Variants in MKLN1 observed in about 807,000 individuals in gnomAD.
The protein encoded by MKLN1 is muskelin.
A neutral mutation model predicts 99.0 loss-of-function variants in MKLN1; 18 were observed. The ratio of observed to expected loss-of-function variants is 0.18; its 90% CI spans 0.13 to 0.27. The LOEUF (loss-of-function observed/expected upper bound fraction) is 0.27. Among genes scored for constraint, MKLN1 ranks in the 10% least tolerant of loss-of-function variants. The pLI, the probability that MKLN1 is intolerant of heterozygous loss-of-function variation, is 1.00. For synonymous variants in MKLN1, 288 were observed against 293.2 expected (o/e 0.98, Z 0.18); for missense variants, 621 against 875.9 (o/e 0.71, Z 3.67).
At chr7:131,363,987 G>A (rs1800103742) in intron 1 of MKLN1, among the ~76,000 whole-genome samples, 1 of 152,044 alleles carries the variant, frequency 6.6e-6, no homozygotes, top group Admixed American at 6.6e-5. Flanking sequence ...TGTTTGATAA[G>A]TAACTCCAAC....
intron 14 of MKLN1, 103 bp downstream of exon 14, chr7:131,464,511 A>G (rs1796605354): frequency 3.2e-6 from 2 of 626,834 alleles, no homozygotes; most frequent in Admixed American, 2.4e-5. Context: ...GTAAAAAGTT[A>G]AAATACATAG....
chr7:131,291,191 C>T lies in MKLN1; in HGVS notation c.-178-84233C>T, dbSNP rs982488599. ...TGTCACCCAGGCTGGAGTTCAGTGG[C>T]GTGATCTTGGCTCACTGCAACCTCC... On this transcript the variant is annotated intron_variant, in intron 3 of 7. Coordinates refer to the MKLN1 transcript ENST00000416992. 2.0e-5 allele frequency among the ~76,000 whole-genome samples: 3 copies of T among 150,894 alleles called. No homozygotes were observed. In the South Asian group the frequency reaches 6.2e-4, roughly 31 times the overall value.
chr7:131,455,089 T>C (rs1796294273), intron 12 of MKLN1, among the ~76,000 whole-genome samples: 1 of 152,256 alleles, frequency 6.6e-6, no homozygotes, highest in Non-Finnish European at 1.5e-5. Flanking sequence ...TCTGTATTTC[T>C]GTGACAGCTC....
In MKLN1 at chr7:131,318,903, C is replaced by T. The variant is rs534569427; in HGVS notation, c.-178-56521C>T. 3.9e-5 allele frequency among the ~76,000 whole-genome samples: 6 copies of T among 152,142 alleles called. No homozygotes were observed. In the East Asian group the frequency reaches 5.8e-4, roughly 15 times the overall value. ...TCCCAAGACTAAACCAGGAAGAAGT[C>T]GAATCCCTGAATAGACCAATAACAG... On this transcript the variant is annotated intron_variant, in intron 3 of 7. Coordinates refer to the MKLN1 transcript ENST00000416992.
At chr7:131,462,277 A>C (rs1384949527) in intron 12 of MKLN1, among the ~76,000 whole-genome samples, 1 of 152,046 alleles carries the variant, frequency 6.6e-6, no homozygotes, top group Non-Finnish European at 1.5e-5. Flanking sequence ...TGATCCTCCC[A>C]CCTTGACCTC....
intron 1 of MKLN1, among the ~76,000 whole-genome samples, chr7:131,373,471 A>G (rs1040867798): frequency 3.9e-5 from 6 of 152,092 alleles, no homozygotes; most frequent in Non-Finnish European, 8.8e-5. Context: ...CCTTTGTGGA[A>G]CATGTGTGTA....
intron 2 of MKLN1, among the ~76,000 whole-genome samples, chr7:131,192,262 ATATAT>A (rs1443721008): frequency 0.02 from 1,829 of 91,548 alleles, 8 homozygotes; most frequent in Admixed American, 0.027. Context: ...AATATATACA[ATATAT>A]AAATATATAA....
chr7:131,387,400 G>A (rs1351331306), intron 3 of MKLN1, 138 bp downstream of exon 3: 15 of 581,464 alleles, frequency 2.6e-5, no homozygotes, highest in Non-Finnish European at 4.0e-5. Context: ...TAATGCCTTA[G>A]TTTAATACTG....
At chr7:131,420,730 G>C (rs1795167549) in intron 8 of MKLN1, among the ~76,000 whole-genome samples, 1 of 152,146 alleles carries the variant, frequency 6.6e-6, no homozygotes, top group Non-Finnish European at 1.5e-5. Context: ...TACCATTGCT[G>C]TCTCTCCAGC....
At chr7:131,233,110 A>G (rs913023803) in intron 3 of MKLN1, among the ~76,000 whole-genome samples, 8 of 152,076 alleles carry the variant, frequency 5.3e-5, no homozygotes, top group African/African-American at 1.9e-4. Context: ...GAGGCCGAGG[A>G]GGAAGGATTG....
chr7:131,471,082 CAG>C, intron 16 of MKLN1, 138 bp downstream of exon 16: 1 of 596,496 alleles, frequency 1.7e-6, no homozygotes, highest in Non-Finnish European at 2.9e-6. Flanking sequence ...TAAAATGTCA[CAG>C]AGCAGGTGAA....
intron 17 of MKLN1, among the ~76,000 whole-genome samples, chr7:131,481,429 C>T (rs1246000428): frequency 1.3e-5 from 2 of 152,052 alleles, no homozygotes; most frequent in African/African-American, 4.8e-5. Flanking sequence ...TAGCCAGGTG[C>T]GATAACTCAT....
chr7:131,202,513 G>A (rs972737488), intron 2 of MKLN1, among the ~76,000 whole-genome samples: 2 of 152,064 alleles, frequency 1.3e-5, no homozygotes, highest in Non-Finnish European at 1.5e-5. Flanking sequence ...TATGCGCCAG[G>A]ACAACAGGCC....
intron 2 of MKLN1, among the ~76,000 whole-genome samples, chr7:131,171,624 CT>C (rs1757943773): frequency 6.6e-6 from 1 of 151,772 alleles, no homozygotes; most frequent in Admixed American, 6.6e-5. Context: ...GGCCAGCTAA[CT>C]TTTTGTATTT....
intron 2 of MKLN1, among the ~76,000 whole-genome samples, chr7:131,173,388 C>T (rs931765015): frequency 2.0e-5 from 3 of 152,050 alleles, no homozygotes; most frequent in South Asian, 2.1e-4. Context: ...AGGGACATAT[C>T]GGAGTCCTAG....
intron 12 of MKLN1, among the ~76,000 whole-genome samples, chr7:131,451,142 C>T (rs559591503): frequency 6.6e-6 from 1 of 152,204 alleles, no homozygotes; most frequent in South Asian, 2.1e-4. Flanking sequence ...TTTAAGAAGG[C>T]AGAATACTAT....
At chr7:131,231,042 C>A (rs1248707353) in intron 3 of MKLN1, among the ~76,000 whole-genome samples, 1 of 131,136 alleles carries the variant, frequency 7.6e-6, no homozygotes, top group African/African-American at 2.7e-5. Flanking sequence ...ATCGTTTGAA[C>A]CTGGGAGGCC....
rs372116550 is a variant in MKLN1 at position 131,162,431 on chromosome 7, G to A, written c.-297+19490G>A. On this transcript the variant is annotated intron_variant, in intron 2 of 7. Coordinates refer to the MKLN1 transcript ENST00000416992. ...GATTGCTTATCAGTAGCACATAAATGAGCGTCAGGAATGATGTTGCCAAAC... is the reference window on the plus strand; with the variant it reads ...GATTGCTTATCAGTAGCACATAAATAAGCGTCAGGAATGATGTTGCCAAAC... 8.5e-5 allele frequency among the ~76,000 whole-genome samples: 13 copies of A among 152,166 alleles called. No homozygotes were observed. In the East Asian group the frequency reaches 2.5e-3, roughly 29 times the overall value.
chr7:131,192,412 AT>A (rs1164630671), intron 2 of MKLN1, among the ~76,000 whole-genome samples: 2 of 128,958 alleles, frequency 1.6e-5, no homozygotes, highest in Non-Finnish European at 1.6e-5. Context: ...AAAATATATA[AT>A]ATATACAATA....
Sources: allele counts gnomAD v4.1 joint callset (sites outside exome capture counted in the v4.1 genomes callset), GRCh38; gene constraint gnomAD v4.1.1; transcripts MANE v1.5; gene names NCBI Gene and HGNC (gene_info 2026-07-23, HGNC 2026-07-21).